KATNAL2: variants seen among roughly 807,000 people sequenced by gnomAD.
KATNAL2 encodes katanin catalytic subunit A1 like 2, also known as katanin p60 ATPase-containing subunit A-like 2.
Under a neutral mutation model 76.3 loss-of-function variants are expected in KATNAL2, and 52 were observed. That is an observed-to-expected ratio of 0.68 (90% CI 0.55 to 0.86). The LOEUF (loss-of-function observed/expected upper bound fraction) is 0.86. KATNAL2 is among the 40% of genes least tolerant of loss of function. The probability of loss-of-function intolerance (pLI) is 0.00; values close to 1 mark genes in which losing one functional copy is unlikely to be tolerated. For synonymous variants in KATNAL2, 243 were observed against 244.2 expected (o/e 1.00, Z 0.05); for missense variants, 660 against 668.9 (o/e 0.99, Z 0.15).
chr18:47,063,799 T>C (rs959553728), intron 10 of KATNAL2, among the ~76,000 whole-genome samples: 11 of 152,154 alleles, frequency 7.2e-5, no homozygotes, highest in African/African-American at 2.7e-4. Flanking sequence ...CAGGAAAGAC[T>C]ACCATCCAGA....
intron 1 of KATNAL2, among the ~76,000 whole-genome samples, chr18:46,940,520 T>C (rs552830415): frequency 2.8e-4 from 42 of 152,302 alleles, no homozygotes; most frequent in Non-Finnish European, 3.4e-4. Context: ...TTTAACAATA[T>C]ATATTCAGAG....
rs543055118 is a variant in KATNAL2 at position 46,922,855 on chromosome 18, T to A, written c.-510+4929T>A. 2.0e-5 allele frequency among the ~76,000 whole-genome samples: 3 copies of A among 149,550 alleles called. No homozygotes were observed. The South Asian group carries it at 6.3e-4, about 31-fold the overall frequency. On this transcript the variant is annotated intron_variant, in intron 1 of 17. Transcript: ENST00000683218. ...AAACTTCGAAAGCATAGCAGTATGG[T>A]TATCTGTATAAGATTTATAATTTAA...
intron 15 of KATNAL2, among the ~76,000 whole-genome samples, chr18:47,085,511 A>G (rs1326469611): frequency 1.3e-5 from 2 of 152,216 alleles, no homozygotes; most frequent in Non-Finnish European, 2.9e-5. Flanking sequence ...TGGAGATAAC[A>G]TCACTATTGT....
intron 1 of KATNAL2, among the ~76,000 whole-genome samples, chr18:46,925,296 T>C (rs577152984): frequency 6.6e-6 from 1 of 152,332 alleles, no homozygotes; most frequent in Admixed American, 6.5e-5. Context: ...CATGAAGTGT[T>C]GTTGAATTTT....
rs142960808 is a variant in KATNAL2, at chr18:46,919,418, G to A, written c.-510+1492G>A. Among the ~76,000 whole-genome samples, 516 of 152,132 alleles carry A rather than the reference G, an allele frequency of 3.4e-3. 1 individual carries two copies. Among genetic ancestry groups the A allele is most frequent in the Middle Eastern group, 0.01 (3 of 294 alleles). On this transcript the variant is annotated intron_variant, in intron 1 of 17. Coordinates refer to ENST00000683218, the MANE Select transcript of KATNAL2 (RefSeq NM_001387690.1). ...GGAGAATCGCTTGAACCCTGGAGGCGGAGGTTCCAGGGAGCGGAGATAGCG... is the reference window on the plus strand; with the variant it reads ...GGAGAATCGCTTGAACCCTGGAGGCAGAGGTTCCAGGGAGCGGAGATAGCG...
intron 1 of KATNAL2, among the ~76,000 whole-genome samples, chr18:46,925,020 A>G (rs1341049725): frequency 2.6e-5 from 4 of 152,174 alleles, no homozygotes; most frequent in East Asian, 1.9e-4. Context: ...CAATCATGTC[A>G]TCTGCAAACA....
At chr18:47,034,633 C>A in intron 3 of KATNAL2, 9 of 1,614,066 alleles carry the variant, frequency 5.6e-6, no homozygotes, top group Non-Finnish European at 6.8e-6. Context: ...TTGGCCCTGG[C>A]AGCCTGGACA....
At chr18:47,042,070 AG>A (rs1906430357) in intron 3 of KATNAL2, among the ~76,000 whole-genome samples, 1 of 151,382 alleles carries the variant, frequency 6.6e-6, no homozygotes, top group Non-Finnish European at 1.5e-5. Flanking sequence ...TGAATTTAGG[AG>A]GGTTTGTCTG....
rs923562850 is a variant in KATNAL2 at position 47,077,459 on chromosome 18, G to A, written c.1209G>A (p.Pro403=). ...TTGTCTTAGCAGCTTCTAACCTGCC[G>A]TGGTAAGAGACCAAGAGAGTAAATT... ...LVFVLAASNL[P]WELDCAMLRR... Residue 403 remains proline, a splice_region_variant and synonymous_variant, in exon 15 of 18, where the codon CCG becomes CCA. Transcript: ENST00000683218. The A allele has an allele frequency of 9.3e-6, 15 of 1,607,354 alleles. No homozygotes were observed. The highest frequency in any genetic ancestry group is 3.3e-5 in the South Asian group (3 of 90,938).
chr18:46,922,211 T>A (rs2058588736), intron 1 of KATNAL2, among the ~76,000 whole-genome samples: 2 of 151,652 alleles, frequency 1.3e-5, no homozygotes. Context: ...GCAGTCTTCG[T>A]ACCTCAGCCT....
chr18:46,946,786 GGTTAAGCGTC>G, intron 2 of KATNAL2, 58 bp from the exon 3 acceptor site: 1 of 1,380,888 alleles, frequency 7.2e-7, no homozygotes, highest in Non-Finnish European at 9.9e-7. Flanking sequence ...GGGGCGGGCT[GGTTAAGCGTC>G]AGGTTCCTTG....
chr18:47,084,847 TAAAAAAAAAAAA>T (rs34034453), intron 15 of KATNAL2, among the ~76,000 whole-genome samples: 6 of 25,540 alleles, frequency 2.3e-4, no homozygotes, highest in South Asian at 2.2e-3. Flanking sequence ...AGACTCTGTC[TAAAAAAAAAAAA>T]AAAAAAAAAA....
intron 3 of KATNAL2, among the ~76,000 whole-genome samples, chr18:47,041,302 T>G (rs2060955110): frequency 1.3e-5 from 2 of 152,218 alleles, no homozygotes; most frequent in Admixed American, 6.5e-5. Flanking sequence ...TCGGTTACTA[T>G]AATCTATCAT....
intron 3 of KATNAL2, among the ~76,000 whole-genome samples, chr18:47,031,684 G>A (rs908084112): frequency 1.3e-5 from 2 of 152,064 alleles, no homozygotes; most frequent in African/African-American, 2.4e-5. Flanking sequence ...TTTTCATATT[G>A]GTCGTCCTGG....
At chr18:47,031,659 G>T (rs1458073064) in intron 3 of KATNAL2, among the ~76,000 whole-genome samples, 2 of 152,154 alleles carry the variant, frequency 1.3e-5, no homozygotes, top group African/African-American at 4.8e-5. Context: ...GATTATTTTA[G>T]TAGAGATGGG....
intron 1 of KATNAL2, among the ~76,000 whole-genome samples, chr18:46,929,373 G>C (rs2058835136): frequency 6.6e-6 from 1 of 151,974 alleles, no homozygotes; most frequent in African/African-American, 2.4e-5. Context: ...CTCCCAAGTA[G>C]CTGGGCCTAC....
chr18:46,941,969 A>C (rs1354058154), intron 1 of KATNAL2, among the ~76,000 whole-genome samples: 1 of 152,168 alleles, frequency 6.6e-6, no homozygotes, highest in Admixed American at 6.5e-5. Flanking sequence ...AGCTAGGGTT[A>C]CAGGGCACAG....
chr18:47,077,969 T>A (rs2062318233), intron 15 of KATNAL2, among the ~76,000 whole-genome samples: 1 of 152,176 alleles, frequency 6.6e-6, no homozygotes, highest in Non-Finnish European at 1.5e-5. Context: ...TTAAGAACAA[T>A]TCTAGATGTG....
chr18:47,085,734 TC>T (rs779511294), intron 15 of KATNAL2, among the ~76,000 whole-genome samples: 1 of 152,078 alleles, frequency 6.6e-6, no homozygotes, highest in African/African-American at 2.4e-5. Flanking sequence ...TGACTCCATT[TC>T]CCATGTGGCG....
Sources: allele counts gnomAD v4.1 joint callset (sites outside exome capture counted in the v4.1 genomes callset), GRCh38; gene constraint gnomAD v4.1.1; transcripts MANE v1.5; gene names NCBI Gene and HGNC (gene_info 2026-07-23, HGNC 2026-07-21).